The following IMMP2L variants were observed in gnomAD, a reference collection of about 807,000 sequenced individuals.
The protein encoded by IMMP2L is inner mitochondrial membrane peptidase subunit 2.
IMMP2L carries 18 observed loss-of-function variants against 19.3 expected under a neutral mutation model. That is an observed-to-expected ratio of 0.93 (90% confidence interval 0.64 to 1.38). The LOEUF is 1.38. IMMP2L is among the 40% of genes most tolerant of loss of function. The pLI, the probability that IMMP2L is intolerant of heterozygous loss-of-function variation, is 0.00. For missense variants in IMMP2L, 233 were observed against 218.2 expected, an observed-to-expected ratio of 1.07 and a Z score of -0.43; for synonymous variants, 76 against 73.0, an observed-to-expected ratio of 1.04 and a Z score of -0.21.
chr7:110,679,372 T>C (rs982070146), intron 5 of IMMP2L, among the ~76,000 whole-genome samples: 1 of 152,170 alleles, frequency 6.6e-6, no homozygotes, highest in African/African-American at 2.4e-5. Context: ...TAATCCAAGG[T>C]GGATGGATGA....
At chr7:111,156,866 T>C (rs1382896926) in intron 3 of IMMP2L, among the ~76,000 whole-genome samples, 1 of 151,936 alleles carries the variant, frequency 6.6e-6, no homozygotes. Context: ...TTTTTATTTA[T>C]AGAGTTTATT....
chr7:111,278,543 G>C (rs1482753520), intron 3 of IMMP2L, among the ~76,000 whole-genome samples: 1 of 152,108 alleles, frequency 6.6e-6, no homozygotes, highest in East Asian at 1.9e-4. Context: ...CATCATTCCA[G>C]TTTCTCTCTA....
intron 3 of IMMP2L, among the ~76,000 whole-genome samples, chr7:111,462,633 T>A (rs1327642696): frequency 1.3e-5 from 2 of 152,106 alleles, no homozygotes; most frequent in African/African-American, 4.8e-5. Flanking sequence ...TCTCAAACAT[T>A]TATCATTTCT....
rs1373270942 is a variant in IMMP2L, at chr7:110,927,800, T to A, written c.305+35700A>T. The stretch of plus-strand genomic sequence containing the variant: ...TTAAGTCATTAAAGTTGTGATAAAT[T>A]GTTGCAGCAGCAATAGAAAACTATA... On this transcript the variant is annotated intron_variant, in intron 4 of 5. Transcript: ENST00000405709. Among the ~76,000 whole-genome samples, 3 of 152,252 alleles carry A rather than the reference T, an allele frequency of 2.0e-5. No individual in the cohort carries two copies. The East Asian group carries it at 5.8e-4, about 29-fold the overall frequency.
At chr7:110,871,998 G>C (rs1453263568) in intron 5 of IMMP2L, among the ~76,000 whole-genome samples, 2 of 152,104 alleles carry the variant, frequency 1.3e-5, no homozygotes, top group East Asian at 3.9e-4. Context: ...ATATACTGCT[G>C]CTAGGATCAC....
rs985275655 is a variant in IMMP2L at position 111,562,440 on chromosome 7, ACGCCGGG to A, written c.-599_-593del. ...CTCACAGCCCCCCACCCGCCGCCGGACGCCGGGCGCCCGCCCTCCGCACCCGCTGCGC... is the reference window on the plus strand; with the variant it reads ...CTCACAGCCCCCCACCCGCCGCCGGACGCCCGCCCTCCGCACCCGCTGCGC... On this transcript the variant is annotated 5_prime_UTR_variant, in exon 1 of 6. Coordinates refer to ENST00000405709, the MANE Select transcript of IMMP2L (RefSeq NM_032549.4). The A allele has an allele frequency of 3.3e-5, 5 of 150,576 alleles. No individual in the cohort carries two copies. The highest frequency in any genetic ancestry group is 1.2e-4 in the African/African-American group (5 of 40,906). 9.3% of individuals were successfully genotyped at this position (150,576 alleles called of 1,614,324 possible).
chr7:111,110,777 T>C (rs892348568), intron 3 of IMMP2L, among the ~76,000 whole-genome samples: 2 of 152,302 alleles, frequency 1.3e-5, no homozygotes, highest in South Asian at 4.1e-4. Flanking sequence ...TATTTAATTA[T>C]AAATTTCCTT....
At chr7:110,842,077 A>T (rs1380649046) in intron 5 of IMMP2L, among the ~76,000 whole-genome samples, 1 of 152,130 alleles carries the variant, frequency 6.6e-6, no homozygotes, top group Non-Finnish European at 1.5e-5. Flanking sequence ...TATTCTTATC[A>T]ATCTCAAGCC....
intron 3 of IMMP2L, among the ~76,000 whole-genome samples, chr7:111,271,531 T>A (rs982272803): frequency 6.6e-6 from 1 of 152,140 alleles, no homozygotes; most frequent in Admixed American, 6.5e-5. Flanking sequence ...TTAACACAGA[T>A]TGTTGGGCCT....
intron 5 of IMMP2L, among the ~76,000 whole-genome samples, chr7:110,852,399 T>A (rs1563025588): frequency 6.6e-6 from 1 of 152,004 alleles, no homozygotes; most frequent in Admixed American, 6.6e-5. Flanking sequence ...TTGCATGAGT[T>A]TTCTAAGCCC....
chr7:111,099,503 T>A (rs903939161), intron 3 of IMMP2L, among the ~76,000 whole-genome samples: 4 of 151,740 alleles, frequency 2.6e-5, no homozygotes, highest in Non-Finnish European at 5.9e-5. Flanking sequence ...CTATATTAGC[T>A]GTTTGTAAAA....
chr7:111,234,866 G>C (rs1403397019), intron 3 of IMMP2L, among the ~76,000 whole-genome samples: 1 of 151,946 alleles, frequency 6.6e-6, no homozygotes, highest in African/African-American at 2.4e-5. Context: ...CCCAGCCTTT[G>C]CACTACTACT....
intron 3 of IMMP2L, among the ~76,000 whole-genome samples, chr7:110,987,314 C>G (rs1406193551): frequency 6.6e-6 from 1 of 152,150 alleles, no homozygotes; most frequent in Admixed American, 6.5e-5. Context: ...TCAGAGTTGA[C>G]AGCTATTGGC....
intron 3 of IMMP2L, among the ~76,000 whole-genome samples, chr7:110,980,920 T>C: frequency 6.6e-6 from 1 of 152,288 alleles, no homozygotes. Flanking sequence ...AAATAAAATA[T>C]TTGAACCAGT....
At chr7:111,451,580 GA>G (rs1839185720) in intron 3 of IMMP2L, among the ~76,000 whole-genome samples, 1 of 105,444 alleles carries the variant, frequency 9.5e-6, no homozygotes, top group African/African-American at 3.7e-5. Flanking sequence ...GGGGAGGGGG[GA>G]GGGATAGCAT....
chr7:111,124,425 T>G, intron 3 of IMMP2L: 2 of 1,613,782 alleles, frequency 1.2e-6, no homozygotes, highest in Non-Finnish European at 1.7e-6. Context: ...TCAAATCTAG[T>G]GTTAAATGGA....
chr7:111,485,783 T>G (rs1395184436), intron 3 of IMMP2L, among the ~76,000 whole-genome samples: 5 of 151,980 alleles, frequency 3.3e-5, no homozygotes, highest in Non-Finnish European at 7.4e-5. Context: ...GTAGGATACT[T>G]TTATGGACCC....
At chr7:110,965,122 T>C (rs1672245310) in intron 3 of IMMP2L, among the ~76,000 whole-genome samples, 1 of 152,104 alleles carries the variant, frequency 6.6e-6, no homozygotes, top group Admixed American at 6.6e-5. Flanking sequence ...TCTATCTTAA[T>C]ATGGTCAATT....
chr7:110,836,608 C>G (rs1299311846), intron 5 of IMMP2L, among the ~76,000 whole-genome samples: 1 of 152,022 alleles, frequency 6.6e-6, no homozygotes, highest in East Asian at 1.9e-4. Flanking sequence ...TGTAAATTGC[C>G]AGTCTTGGGT....
Sources: gnomAD v4.1 joint callset for allele counts (sites outside exome capture counted in the v4.1 genomes callset) on GRCh38, gnomAD v4.1.1 for gene constraint, MANE v1.5 for transcripts, NCBI Gene and HGNC (gene_info 2026-07-23, HGNC 2026-07-21) for gene names.